The following PFKP variants were observed in gnomAD, a reference collection of about 807,000 sequenced individuals.
The protein encoded by PFKP is ATP-dependent 6-phosphofructokinase, platelet type.
Under a neutral mutation model 94.3 loss-of-function variants are expected in PFKP, and 101 were observed. That is an observed-to-expected ratio of 1.07 (90% CI 0.91 to 1.26). The LOEUF is 1.26. Ranked by LOEUF, PFKP falls within the 50% of genes most tolerant of loss-of-function variation. PFKP has a pLI of 0.00. For synonymous variants in PFKP, 573 were observed against 432.6 expected (o/e 1.32, Z -4.03); for missense variants, 1,145 against 1,103.3 (o/e 1.04, Z -0.53).
chr10:3,105,340 C>T (rs1317963777), intron 6 of PFKP, 53 bp from the exon 7 acceptor site: 1 of 1,489,630 alleles, frequency 6.7e-7, no homozygotes, highest in Non-Finnish European at 9.4e-7. Flanking sequence ...CCTGGGCTGC[C>T]CTCGTGGGAA....
chr10:3,077,899 C>T (rs1229865820), intron 1 of PFKP, among the ~76,000 whole-genome samples: 5 of 152,224 alleles, frequency 3.3e-5, no homozygotes, highest in African/African-American at 4.8e-5. Flanking sequence ...ATTTTTGGTT[C>T]TCATGACAAG....
Position 3,130,393 on chromosome 10 carries a change from A to G in PFKP, c.1848+410A>G, listed in dbSNP as rs1440793942. 5.3e-5 allele frequency among the ~76,000 whole-genome samples: 8 copies of G among 152,210 alleles called. No individual in the cohort carries two copies. The East Asian group carries it at 1.2e-3, about 22-fold the overall frequency. On this transcript the variant is annotated intron_variant, in intron 17 of 21. Transcript: ENST00000381125. The stretch of plus-strand genomic sequence containing the variant: ...CGTCTGCCTCTAAACGGACACAGAC[A>G]TGACCGTGGTTTCTCGGCATCTGTG...
chr10:3,093,212 T>C (rs1428724816), intron 2 of PFKP, among the ~76,000 whole-genome samples: 1 of 152,018 alleles, frequency 6.6e-6, no homozygotes, highest in Admixed American at 6.6e-5. Flanking sequence ...TTTAAATCTC[T>C]GTCTCACCCC....
Position 3,085,857 on chromosome 10 carries a change from C to T in PFKP, c.186+3396C>T, listed in dbSNP as rs78254192. Reference sequence around the variant, plus strand: ...GCATTGTCCTCCACCCTGCCCCCAGCGCTGGAATTTGCACACAGACTTCCA... The same window carrying T: ...GCATTGTCCTCCACCCTGCCCCCAGTGCTGGAATTTGCACACAGACTTCCA... On this transcript the variant is annotated intron_variant, in intron 2 of 21. Transcript: ENST00000381125. Among the ~76,000 whole-genome samples the T allele has an allele frequency of 1.1e-4, 14 of 126,146 alleles. 1 individual carries two copies. Among genetic ancestry groups the T allele is most frequent in the African/African-American group, 5.3e-4 (12 of 22,834 alleles). 82.8% of individuals were successfully genotyped at this position (126,146 alleles called of 152,430 possible).
chr10:3,081,375 A>T (rs796621790), intron 1 of PFKP, among the ~76,000 whole-genome samples: 5 of 152,338 alleles, frequency 3.3e-5, no homozygotes, highest in African/African-American at 1.2e-4. Context: ...TATTGACTGG[A>T]AACATCACTG....
In PFKP at chr10:3,100,862, C is replaced by CAAAAAAAAAA. The variant is rs71294492; in HGVS notation, c.265-492_265-483dup. ...TAAAAGGGGCAGCGAGTATGTGGTG[C>CAAAAAAAAAA]AAAAAAAAAAAAAAAAAAAATCCCC... On this transcript the variant is annotated intron_variant, in intron 3 of 21. Transcript: ENST00000381125. 3.1e-3 allele frequency: 2,047 copies of CAAAAAAAAAA among 656,310 alleles called. 17 individuals are homozygous for CAAAAAAAAAA. Among genetic ancestry groups the CAAAAAAAAAA allele is most frequent in the African/African-American group, 4.2e-3 (172 of 41,022 alleles). 40.7% of individuals were successfully genotyped at this position (656,310 alleles called of 1,614,324 possible). A position where few individuals can be genotyped will look rare whatever the true frequency, so the allele number is the denominator to read the frequency against.
chr10:3,075,375 C>T (rs1055765480), intron 1 of PFKP, among the ~76,000 whole-genome samples: 11 of 151,566 alleles, frequency 7.3e-5, no homozygotes, highest in African/African-American at 2.2e-4. Flanking sequence ...TTGTGCTGGT[C>T]GAAAGTCAAG....
At chr10:3,082,566 G>A (rs1187221883) in intron 2 of PFKP, 105 bp downstream of exon 2, 19 of 708,086 alleles carry the variant, frequency 2.7e-5, no homozygotes, top group Admixed American at 5.7e-5. Flanking sequence ...GAGCACAGCC[G>A]AAGAGGTGGG....
chr10:3,075,234 C>T (rs777357796), intron 1 of PFKP, among the ~76,000 whole-genome samples: 5 of 151,688 alleles, frequency 3.3e-5, no homozygotes, highest in African/African-American at 7.3e-5. Context: ...GCGTTAGGGC[C>T]GTTATGAACG....
At chr10:3,080,190 G>A (rs1832941007) in intron 1 of PFKP, among the ~76,000 whole-genome samples, 1 of 152,116 alleles carries the variant, frequency 6.6e-6, no homozygotes, top group South Asian at 2.1e-4. Flanking sequence ...AGTAGCCCTG[G>A]GAACCTGGAG....
intron 8 of PFKP, chr10:3,107,683 G>C: frequency 1.0e-6 from 1 of 958,002 alleles, no homozygotes; most frequent in Non-Finnish European, 1.2e-6. Context: ...GCCACAGTGG[G>C]AAAAGGCGGC....
rs1218045114 is a variant in PFKP at position 3,108,727 on chromosome 10, C to T, written c.897C>T (p.Asp299=). 1 of 1,613,798 alleles carries T rather than the reference C, an allele frequency of 6.2e-7. No individual in the cohort carries two copies. The highest frequency in any genetic ancestry group is 1.7e-5 in the Admixed American group (1 of 59,988). The stretch of plus-strand genomic sequence containing the variant: ...TTGTCGTCACGCAGCTGGGCTATGA[C>T]ACACGTGTGACCATCCTCGGGCACG... ...KELVVTQLGY[D]TRVTILGHVQ... Residue 299 remains aspartate, a synonymous_variant, in exon 9 of 22, where the codon GAC becomes GAT. Coordinates refer to ENST00000381125, the MANE Select transcript of PFKP (RefSeq NM_002627.5).
chr10:3,113,395 C>T lies in PFKP; in HGVS notation c.1248C>T (p.Ile416=). The change falls in exon 13 of 22, where the codon ATC becomes ATT. Residue 416 remains isoleucine, a synonymous_variant. Coordinates refer to ENST00000381125, the MANE Select transcript of PFKP (RefSeq NM_002627.5). Reference sequence around the variant, plus strand: ...AGACCAATTGCAACGTAGCTGTCATCAACGTGGGGGCACCCGCGGCTGGGA... The same window carrying T: ...AGACCAATTGCAACGTAGCTGTCATTAACGTGGGGGCACCCGCGGCTGGGA... ...IPKTNCNVAV[I]NVGAPAAGMN... 6.3e-7 allele frequency: 1 copy of T among 1,595,052 alleles called. No individual in the cohort carries two copies. Among genetic ancestry groups the T allele is most frequent in the Non-Finnish European group, 8.6e-7 (1 of 1,168,172 alleles).
chr10:3,135,772 TGGGAA>T lies in PFKP; in HGVS notation c.2160_2164del (p.Gly721LysfsTer20). ...ACCACCGATGATTCCATTTGTGTGC[TGGGAA>T]TAAGCAAAAGAAACGTTATTTTTCA... On this transcript the variant is annotated frameshift_variant, in exon 21 of 22. Transcript: ENST00000381125. LOFTEE classifies it high-confidence loss of function. 6.2e-7 allele frequency: 1 copy of T among 1,613,528 alleles called. No individual in the cohort carries two copies. The highest frequency in any genetic ancestry group is 8.5e-7 in the Non-Finnish European group (1 of 1,179,510).
intron 1 of PFKP, among the ~76,000 whole-genome samples, chr10:3,069,642 G>C (rs1004550670): frequency 4.6e-5 from 7 of 152,104 alleles, no homozygotes; most frequent in Non-Finnish European, 7.4e-5. Flanking sequence ...CAGTGCTTTG[G>C]GAGGCCGAGG....
In PFKP at chr10:3,107,396, T is replaced by C. The variant is rs542876507; in HGVS notation, c.870+87T>C. Reference sequence around the variant, plus strand: ...TCATGGGCAGGCTTGGTTTAGAACATTGAATTATTAACTTTTTATCCTTGA... The same window carrying C: ...TCATGGGCAGGCTTGGTTTAGAACACTGAATTATTAACTTTTTATCCTTGA... On this transcript the variant is annotated intron_variant, in intron 8 of 21. Transcript: ENST00000381125. The C allele has an allele frequency of 2.4e-5, 18 of 765,494 alleles. No homozygotes were observed. The East Asian group carries it at 4.1e-4, about 17-fold the overall frequency. 47.4% of individuals were successfully genotyped at this position (765,494 alleles called of 1,614,324 possible). A position where few individuals can be genotyped will look rare whatever the true frequency, so the allele number is the denominator to read the frequency against.
chr10:3,076,830 C>A (rs1397607976), intron 1 of PFKP, among the ~76,000 whole-genome samples: 1 of 152,128 alleles, frequency 6.6e-6, no homozygotes, highest in Admixed American at 6.5e-5. Context: ...ACACGGTGGT[C>A]TGCACAGTCC....
chr10:3,071,302 ATC>A (rs924548106), intron 1 of PFKP, among the ~76,000 whole-genome samples: 7 of 151,552 alleles, frequency 4.6e-5, no homozygotes, highest in African/African-American at 1.7e-4. Context: ...ACAATTGAAA[ATC>A]TCTTTCTCTT....
intron 7 of PFKP, 44 bp from the exon 8 acceptor site, chr10:3,107,170 A>G: frequency 8.3e-7 from 1 of 1,202,244 alleles, no homozygotes; most frequent in South Asian, 1.2e-5. Context: ...TGTTGCTAAG[A>G]ACAGGATTAG....
Sources: allele counts gnomAD v4.1 joint callset (sites outside exome capture counted in the v4.1 genomes callset), GRCh38; gene constraint gnomAD v4.1.1; transcripts MANE v1.5; gene names NCBI Gene and HGNC (gene_info 2026-07-23, HGNC 2026-07-21).